The following NAA38 variants were observed in gnomAD, a reference collection of about 807,000 sequenced individuals.
The protein encoded by NAA38 is N-alpha-acetyltransferase 38, NatC auxiliary subunit, also known as LSM domain containing 1.
NAA38 carries 15 observed loss-of-function variants against 12.6 expected under a neutral mutation model. The observed-to-expected ratio is 1.19, with a 90% CI of 0.79 to 1.83. The LOEUF (loss-of-function observed/expected upper bound fraction) is 1.83, where lower values mean the gene tolerates loss of function less well. NAA38 is among the 40% of genes most tolerant of loss of function. The pLI is 0.00. For synonymous variants in NAA38, 88 were observed against 69.9 expected (o/e 1.26, Z -1.29); for missense variants, 183 against 171.7 (o/e 1.07, Z -0.37).
upstream of NAA38, chr17:7,859,083 G>A (rs2151386071): frequency 1.8e-6 from 1 of 568,288 alleles, no homozygotes; most frequent in South Asian, 2.3e-5. Context: ...GTGGTCCTTC[G>A]AAGCTCTTAC....
At chr17:7,871,769 C>G (rs1018570501) in intron 2 of NAA38, among the ~76,000 whole-genome samples, 1 of 152,168 alleles carries the variant, frequency 6.6e-6, no homozygotes, top group African/African-American at 2.4e-5. Context: ...ATTCTCCTGC[C>G]TCAGCTTTCC....
At chr17:7,885,108 C>T (rs1439501252) in intron 1 of NAA38, 6 of 982,362 alleles carry the variant, frequency 6.1e-6, no homozygotes, top group Non-Finnish European at 6.0e-6. Context: ...CGACTCCCCC[C>T]CCAAGCCCGA....
At position 7,857,179 on chromosome 17, in the gene NAA38, T is replaced by A. The variant is rs1181610906; in HGVS notation, c.101A>T (p.Glu34Val). ...SSAGDSDGER[E>V]DSAAERARQQ... ...TCGGGCGCGCTCAGCCGCCGAGTCC[T>A]CGCGCTCTCCGTCCGAATCCTGCGC... Residue 34 changes from glutamate to valine, a missense_variant, in exon 2 of 3, where the codon GAG becomes GTG. Physicochemically the swap from Glu to Val is moderately radical, Grantham distance 121 (BLOSUM62 -2). Transcript: ENST00000575771. 6.2e-7 allele frequency: 1 copy of A among 1,613,146 alleles called. No homozygotes were observed. Among genetic ancestry groups the A allele is most frequent in the South Asian group, 1.1e-5 (1 of 91,084 alleles).
upstream of NAA38, chr17:7,858,096 G>A (rs1468235877): frequency 5.0e-6 from 8 of 1,610,370 alleles, no homozygotes; most frequent in East Asian, 1.6e-4. Context: ...AGGAGCAAAG[G>A]AGTAACCAAG....
chr17:7,861,948 C>T (rs2078886296), upstream of NAA38: 1 of 152,230 alleles, frequency 6.6e-6, no homozygotes, highest in Non-Finnish European at 1.5e-5. Flanking sequence ...CACTGGCTTT[C>T]AGTTCATTAC....
At chr17:7,862,710 G>C (rs2078891143), upstream of NAA38, 1 of 143,668 alleles carries the variant, frequency 7.0e-6, no homozygotes, top group Non-Finnish European at 1.5e-5. Context: ...TTGCACTCCA[G>C]CCTGGGCAAC....
intron 2 of NAA38, among the ~76,000 whole-genome samples, chr17:7,882,019 G>C (rs989867696): frequency 1.3e-5 from 2 of 151,822 alleles, no homozygotes; most frequent in Non-Finnish European, 2.9e-5. Context: ...AAATCAAGAG[G>C]TCAGGAGAGA....
chr17:7,858,558 G>A (rs375634748), upstream of NAA38: 2 of 1,612,234 alleles, frequency 1.2e-6, no homozygotes, highest in African/African-American at 2.7e-5. Context: ...AGGCTAGCCA[G>A]AGCCTAATGG....
At chr17:7,866,673 G>A (rs1280898266) in intron 2 of NAA38, 15 of 439,052 alleles carry the variant, frequency 3.4e-5, no homozygotes, top group Non-Finnish European at 4.2e-5. Context: ...TTGCTTAAAT[G>A]ACACTTTATC....
intron 2 of NAA38, among the ~76,000 whole-genome samples, chr17:7,878,235 C>T (rs1967208965): frequency 6.6e-6 from 1 of 151,816 alleles, no homozygotes; most frequent in Non-Finnish European, 1.5e-5. Flanking sequence ...AAATAGTATG[C>T]ATATAATGGT....
At chr17:7,858,665 C>CT, upstream of NAA38, 1 of 1,610,710 alleles carries the variant, frequency 6.2e-7, no homozygotes. Flanking sequence ...CGCGGGGCCG[C>CT]TTTGTGCACG....
At chr17:7,858,046 C>G (rs2078846095), upstream of NAA38, 10 of 1,559,536 alleles carry the variant, frequency 6.4e-6, no homozygotes, top group Non-Finnish European at 7.8e-6. Flanking sequence ...CCTCGGCTCC[C>G]GGACGCGACG....
chr17:7,871,914 C>T (rs1967093041), intron 2 of NAA38, among the ~76,000 whole-genome samples: 1 of 152,184 alleles, frequency 6.6e-6, no homozygotes, highest in Non-Finnish European at 1.5e-5. Context: ...CTCGGCTTCC[C>T]AAAGTGCTGG....
At chr17:7,859,198 G>C (rs2078863072), upstream of NAA38, 2 of 608,494 alleles carry the variant, frequency 3.3e-6, no homozygotes, top group Non-Finnish European at 2.9e-6. Context: ...GTTAGAAGTG[G>C]CTGCCATTAA....
At chr17:7,864,199 C>T (rs1966922666) in intron 3 of NAA38, 2 of 152,170 alleles carry the variant, frequency 1.3e-5, no homozygotes, top group South Asian at 4.1e-4. Flanking sequence ...AGAAACCTGA[C>T]TGATCTTTAT....
intron 3 of NAA38, chr17:7,866,373 G>C: frequency 1.3e-6 from 1 of 741,758 alleles, no homozygotes; most frequent in East Asian, 3.4e-5. Context: ...CTCCCAGAGT[G>C]CTGGAATTAC....
intron 2 of NAA38, among the ~76,000 whole-genome samples, chr17:7,870,609 C>T (rs1474044433): frequency 2.0e-5 from 3 of 152,096 alleles, no homozygotes; most frequent in Admixed American, 6.6e-5. Flanking sequence ...TGGCCAGGCA[C>T]GGTGGCTCAC....
intron 1 of NAA38, 35 bp downstream of exon 1, chr17:7,857,348 T>G (rs757991193): frequency 6.2e-6 from 10 of 1,613,080 alleles, no homozygotes; most frequent in Non-Finnish European, 8.5e-6. Context: ...GCTGCTTGAC[T>G]GCCCCTCAGT....
chr17:7,885,291 CCCGCCGCACCCCTCCCCCG>C, upstream of NAA38: 1 of 192,398 alleles, frequency 5.2e-6, no homozygotes, highest in Non-Finnish European at 8.9e-6. Context: ...CCTCCCCTCC[CCCGCCGCACCCCTCCCCCG>C]CCGCCGCCGC....
Sources: allele counts gnomAD v4.1 joint callset (sites outside exome capture counted in the v4.1 genomes callset), GRCh38; gene constraint gnomAD v4.1.1; transcripts MANE v1.5; gene names NCBI Gene and HGNC (gene_info 2026-07-23, HGNC 2026-07-21).